Variants in SERPINA4 observed in about 807,000 individuals in gnomAD.
SERPINA4 encodes serpin family A member 4, also known as kallistatin.
In SERPINA4, 24 loss-of-function variants were observed where a neutral mutation model predicts 25.4. The observed-to-expected ratio is 0.95, with a 90% confidence interval of 0.69 to 1.33. The LOEUF (loss-of-function observed/expected upper bound fraction) is 1.33. SERPINA4 is among the 40% of genes most tolerant of loss of function. SERPINA4 has a pLI of 0.00. For synonymous variants in SERPINA4, 242 were observed against 223.6 expected (o/e 1.08, Z -0.73); for missense variants, 553 against 535.8 (o/e 1.03, Z -0.32).
chr14:94,569,178 A>AAG (rs1199649032), intron 4 of SERPINA4, among the ~76,000 whole-genome samples: 1 of 152,230 alleles, frequency 6.6e-6, no homozygotes, highest in African/African-American at 2.4e-5. Context: ...GGCACAGAGC[A>AAG]AGTGCTCATT....
intron 2 of SERPINA4, 35 bp from the exon 3 acceptor site, chr14:94,566,935 A>C: frequency 1.3e-6 from 2 of 1,586,708 alleles, no homozygotes; most frequent in Non-Finnish European, 1.7e-6. Context: ...TGTGGCCTGC[A>C]GATGTCCTGT....
chr14:94,565,087 A>G (rs1902161409), intron 2 of SERPINA4, among the ~76,000 whole-genome samples: 2 of 152,310 alleles, frequency 1.3e-5, no homozygotes, highest in Middle Eastern at 3.4e-3. Context: ...GCCCCACACA[A>G]TTGCGACTGG....
At chr14:94,569,278 A>G in intron 4 of SERPINA4, 117 bp from the exon 5 acceptor site, 4 of 892,534 alleles carry the variant, frequency 4.5e-6, no homozygotes, top group Non-Finnish European at 6.8e-6. Context: ...TCCCCAAGAA[A>G]TGGCCTTGCA....
chr14:94,563,581 C>T lies in SERPINA4; in HGVS notation c.99C>T (p.Asn33=). ...HVEHDGESCS[N]SSHQQILETG... ...AGCATGATGGTGAGAGTTGCAGTAA[C>T]AGCTCCCACCAGCAGATTCTGGAGA... The change falls in exon 2 of 5, where the codon AAC becomes AAT. Residue 33 remains asparagine (N), a synonymous_variant. Transcript: ENST00000557004. 6.2e-7 allele frequency: 1 copy of T among 1,614,044 alleles called. No individual in the cohort carries two copies. The highest frequency in any genetic ancestry group is 2.2e-5 in the East Asian group (1 of 44,886).
intron 3 of SERPINA4, 70 bp downstream of exon 3, chr14:94,567,313 G>A: frequency 1.3e-6 from 2 of 1,511,688 alleles, no homozygotes; most frequent in Non-Finnish European, 1.8e-6. Flanking sequence ...ATGAAAGACA[G>A]TGCCCCAAAA....
At chr14:94,564,365 T>A (rs1376545951) in intron 2 of SERPINA4, among the ~76,000 whole-genome samples, 2 of 152,234 alleles carry the variant, frequency 1.3e-5, no homozygotes, top group East Asian at 3.9e-4. Flanking sequence ...AAATAATGTA[T>A]AAAATGCATT....
chr14:94,568,045 G>C (rs929788196), intron 3 of SERPINA4, 84 bp from the exon 4 acceptor site: 65 of 1,403,752 alleles, frequency 4.6e-5, no homozygotes, highest in Admixed American at 1.4e-4. Flanking sequence ...GAGCCAGCTA[G>C]AGAGGGCCAC....
Position 94,566,980 on chromosome 14 carries a change from GA to G in SERPINA4, c.663del (p.Lys221AsnfsTer25). ...NYIYFKALWE[K>X]PFISSRTTPK... ...TCATCTTCCCTTCAGCCCTGTGGGA[GA>G]AACCATTCATTTCCTCAAGGACCAC... On this transcript the variant is annotated frameshift_variant, in exon 3 of 5. Coordinates refer to ENST00000557004, the MANE Select transcript of SERPINA4 (RefSeq NM_006215.4). LOFTEE classifies it high-confidence loss of function. 3.7e-6 allele frequency: 6 copies of G among 1,613,404 alleles called. No individual in the cohort carries two copies. Among genetic ancestry groups the G allele is most frequent in the Non-Finnish European group, 5.1e-6 (6 of 1,179,460 alleles).
At position 94,568,246 on chromosome 14, in the gene SERPINA4, C is replaced by T; in HGVS notation, c.1041C>T (p.Asp347=). The change falls in exon 4 of 5, where the codon GAC becomes GAT. Residue 347 remains aspartate (D), a synonymous_variant. Coordinates refer to ENST00000557004, the MANE Select transcript of SERPINA4 (RefSeq NM_006215.4). The part of the protein sequence containing the change: ...GFTDLFSKWA[D]LSGITKQQKL... ...CGGATCTGTTCTCCAAGTGGGCTGACTTATCCGGCATCACCAAACAGCAAA... is the reference window on the plus strand; with the variant it reads ...CGGATCTGTTCTCCAAGTGGGCTGATTTATCCGGCATCACCAAACAGCAAA... 6.2e-7 allele frequency: 1 copy of T among 1,614,224 alleles called. No homozygotes were observed. Among genetic ancestry groups the T allele is most frequent in the East Asian group, 2.2e-5 (1 of 44,882 alleles).
At chr14:94,567,716 A>G (rs1345953645) in intron 3 of SERPINA4, among the ~76,000 whole-genome samples, 1 of 152,268 alleles carries the variant, frequency 6.6e-6, no homozygotes, top group Non-Finnish European at 1.5e-5. Flanking sequence ...TCCTAGCCCA[A>G]GGGCACATGT....
At chr14:94,562,716 C>A (rs917328687) in intron 1 of SERPINA4, among the ~76,000 whole-genome samples, 3 of 152,162 alleles carry the variant, frequency 2.0e-5, no homozygotes, top group Non-Finnish European at 2.9e-5. Flanking sequence ...GGCCTGACAA[C>A]CGGATACTGG....
Position 94,563,644 on chromosome 14 carries a change from C to A in SERPINA4, c.162C>A (p.Ala54=), listed in dbSNP as rs2139900910. 6.2e-7 allele frequency: 1 copy of A among 1,613,926 alleles called. No individual in the cohort carries two copies. The highest frequency in any genetic ancestry group is 2.2e-5 in the East Asian group (1 of 44,882). ...CCCCCAGCCTCAAGATAGCCCCTGC[C>A]AATGCTGACTTTGCCTTCCGCTTCT... ...EGSPSLKIAP[A]NADFAFRFYY... Residue 54 remains alanine, a synonymous_variant, in exon 2 of 5, where the codon GCC becomes GCA. Transcript: ENST00000557004.
chr14:94,562,977 T>G (rs879362), intron 1 of SERPINA4, among the ~76,000 whole-genome samples: 8,859 of 152,204 alleles, frequency 0.058, 278 homozygotes, highest in South Asian at 0.078. Context: ...ACTCCACAGA[T>G]GTTTGTGGAA....
intron 1 of SERPINA4, among the ~76,000 whole-genome samples, 191 bp from the exon 2 acceptor site, chr14:94,563,275 T>C (rs893290885): frequency 5.3e-5 from 8 of 152,110 alleles, no homozygotes. Flanking sequence ...GTCTAAAACA[T>C]TGCCATCCAA....
chr14:94,564,495 G>A (rs1258898099), intron 2 of SERPINA4, among the ~76,000 whole-genome samples: 1 of 152,208 alleles, frequency 6.6e-6, no homozygotes, highest in Non-Finnish European at 1.5e-5. Context: ...TAATTCAAAG[G>A]TTGGCTTTGA....
rs771926277 is a variant in SERPINA4 at position 94,563,816 on chromosome 14, C to G, written c.334C>G (p.Leu112Val). 1.2e-6 allele frequency: 2 copies of G among 1,614,218 alleles called. No homozygotes were observed. The highest frequency in any genetic ancestry group is 1.7e-6 in the Non-Finnish European group (2 of 1,180,052). ...LEGLGFNLTE[L>V]SESDVHRGFQ... ...GGGCCTGGGCTTCAACCTCACCGAG[C>G]TGTCTGAGTCCGATGTCCATAGGGG... The change falls in exon 2 of 5, where the codon CTG becomes GTG. Residue 112 changes from leucine (L) to valine (V), a missense_variant. By Grantham distance (32) the Leu-to-Val change is conservative. Transcript: ENST00000557004.
intron 1 of SERPINA4, among the ~76,000 whole-genome samples, chr14:94,562,635 A>T (rs1902064532): frequency 6.6e-6 from 1 of 152,128 alleles, no homozygotes; most frequent in Admixed American, 6.5e-5. Flanking sequence ...ACAAACAAAA[A>T]AAACCCAACC....
rs1232300649 is a variant in SERPINA4 at position 94,569,550 on chromosome 14, G to C, written c.1239G>C (p.Gln413His). ...FLVVIFSTST[Q>H]SVLFLGKVVD... ...TGGTGATCTTTTCCACCAGCACCCA[G>C]AGTGTCCTCTTTCTGGGCAAGGTCG... The change falls in exon 5 of 5, where the codon CAG (glutamine) becomes CAC (histidine). Residue 413 changes from glutamine to histidine, a missense_variant. Transcript: ENST00000557004. 3 of 1,614,044 alleles carry C rather than the reference G, an allele frequency of 1.9e-6. No individual in the cohort carries two copies. Among genetic ancestry groups the C allele is most frequent in the Non-Finnish European group, 2.5e-6 (3 of 1,180,038 alleles).
chr14:94,561,870 A>G lies in SERPINA4; in HGVS notation c.-18+376A>G, dbSNP rs1595061776. The G allele has an allele frequency of 3.9e-6, 5 of 1,289,296 alleles. No individual in the cohort carries two copies. The East Asian group carries it at 2.2e-4, about 57-fold the overall frequency. 79.9% of individuals were successfully genotyped at this position (1,289,296 alleles called of 1,614,324 possible). Reference sequence around the variant, plus strand: ...GTCTGTGAGTGATGCGGTCCTATGTATGTTTCTAAATGATCCCTCCAACTG... The same window carrying G: ...GTCTGTGAGTGATGCGGTCCTATGTGTGTTTCTAAATGATCCCTCCAACTG... On this transcript the variant is annotated intron_variant, in intron 1 of 4. Transcript: ENST00000557004.
Sources: allele counts gnomAD v4.1 joint callset (sites outside exome capture counted in the v4.1 genomes callset), GRCh38; gene constraint gnomAD v4.1.1; transcripts MANE v1.5; gene names NCBI Gene and HGNC (gene_info 2026-07-23, HGNC 2026-07-21).